ZNF804B: variants seen among roughly 807,000 people sequenced by gnomAD.
The protein encoded by ZNF804B is zinc finger 804B.
Under a neutral mutation model 101.4 loss-of-function variants are expected in ZNF804B, and 80 were observed. The observed-to-expected ratio is 0.79, with a 90% CI of 0.66 to 0.95. The LOEUF (loss-of-function observed/expected upper bound fraction) is 0.95, where lower values mean the gene tolerates loss of function less well. ZNF804B is among the 40% of genes least tolerant of loss of function. The pLI is 0.00. For synonymous variants in ZNF804B, 622 were observed against 558.8 expected (o/e 1.11, Z -1.59); for missense variants, 1,673 against 1,561.9 (o/e 1.07, Z -1.20).
intron 1 of ZNF804B, among the ~76,000 whole-genome samples, chr7:89,151,861 GGAACTAC>G: frequency 6.6e-6 from 1 of 152,100 alleles, no homozygotes; most frequent in Non-Finnish European, 1.5e-5. Flanking sequence ...CTCCTAGGCA[GGAACTAC>G]TGTCTGAGGG....
At chr7:89,210,338 T>A (rs1335385637) in intron 1 of ZNF804B, among the ~76,000 whole-genome samples, 1 of 152,132 alleles carries the variant, frequency 6.6e-6, no homozygotes, top group Non-Finnish European at 1.5e-5. Context: ...GCTAGCTTTA[T>A]TTTTATTTTT....
At chr7:88,887,695 T>G (rs529701341) in intron 1 of ZNF804B, among the ~76,000 whole-genome samples, 31 of 152,222 alleles carry the variant, frequency 2.0e-4, no homozygotes, top group Admixed American at 3.9e-4. Context: ...ATAATTATAT[T>G]ATGCCCAGCT....
intron 2 of ZNF804B, among the ~76,000 whole-genome samples, chr7:89,265,802 CTG>C (rs555143066): frequency 1.3e-5 from 2 of 152,196 alleles, no homozygotes; most frequent in Non-Finnish European, 2.9e-5. Flanking sequence ...CACCCACCAT[CTG>C]TGTGTTTCTT....
intron 1 of ZNF804B, among the ~76,000 whole-genome samples, chr7:88,976,319 G>A (rs1030965097): frequency 6.6e-6 from 1 of 151,480 alleles, no homozygotes. Flanking sequence ...GGATTGAATT[G>A]AATTTGTAGA....
At chr7:88,834,715 T>A (rs917856161) in intron 1 of ZNF804B, among the ~76,000 whole-genome samples, 1 of 151,668 alleles carries the variant, frequency 6.6e-6, no homozygotes, top group South Asian at 2.1e-4. Flanking sequence ...AAACATCACC[T>A]TAAGTTGAAC....
chr7:89,198,229 G>A (rs1788584025), intron 1 of ZNF804B, among the ~76,000 whole-genome samples: 1 of 151,980 alleles, frequency 6.6e-6, no homozygotes. Flanking sequence ...GGAGTCATAT[G>A]TAATTTTTAA....
intron 2 of ZNF804B, among the ~76,000 whole-genome samples, chr7:89,236,311 T>C (rs766959271): frequency 2.6e-5 from 4 of 152,088 alleles, no homozygotes; most frequent in Non-Finnish European, 5.9e-5. Flanking sequence ...TAATGATTCC[T>C]AGAGCGGTGA....
chr7:88,797,543 G>A (rs1356785521), intron 1 of ZNF804B, among the ~76,000 whole-genome samples: 2 of 152,138 alleles, frequency 1.3e-5, no homozygotes, highest in Non-Finnish European at 2.9e-5. Context: ...TTAAACCAGA[G>A]AGAACATGGG....
intron 2 of ZNF804B, among the ~76,000 whole-genome samples, chr7:89,271,411 T>C (rs1012017712): frequency 2.0e-5 from 3 of 152,228 alleles, no homozygotes; most frequent in Non-Finnish European, 4.4e-5. Flanking sequence ...ATCCCAGGGA[T>C]GAAGCCCACT....
intron 1 of ZNF804B, among the ~76,000 whole-genome samples, chr7:89,130,872 A>G (rs1375488000): frequency 6.6e-6 from 1 of 152,036 alleles, no homozygotes; most frequent in Non-Finnish European, 1.5e-5. Flanking sequence ...TTACTAAAGA[A>G]ACAATCATCT....
chr7:88,799,493 TC>T (rs1790545550), intron 1 of ZNF804B, among the ~76,000 whole-genome samples: 1 of 152,060 alleles, frequency 6.6e-6, no homozygotes, highest in African/African-American at 2.4e-5. Flanking sequence ...GTGTCATTCT[TC>T]CCCCTGTCTA....
At chr7:89,277,163 T>A (rs964378917) in intron 2 of ZNF804B, among the ~76,000 whole-genome samples, 1 of 148,926 alleles carries the variant, frequency 6.7e-6, no homozygotes, top group African/African-American at 2.5e-5. Context: ...TATAAAATGT[T>A]ATATATAGAT....
intron 1 of ZNF804B, among the ~76,000 whole-genome samples, chr7:89,217,171 G>A (rs1354932956): frequency 6.6e-6 from 1 of 152,132 alleles, no homozygotes; most frequent in East Asian, 1.9e-4. Context: ...TGACATATCT[G>A]GTAATAGAAT....
chr7:88,914,493 A>T (rs896755572), intron 1 of ZNF804B, among the ~76,000 whole-genome samples: 5 of 152,188 alleles, frequency 3.3e-5, no homozygotes, highest in African/African-American at 9.6e-5. Flanking sequence ...GACCCTAGCC[A>T]GCAGTGCCTG....
At chr7:89,096,193 T>G (rs1789970238) in intron 1 of ZNF804B, among the ~76,000 whole-genome samples, 1 of 149,632 alleles carries the variant, frequency 6.7e-6, no homozygotes, top group African/African-American at 2.5e-5. Context: ...CCTCAGCAGA[T>G]GAGAAATGGA....
intron 2 of ZNF804B, among the ~76,000 whole-genome samples, chr7:89,258,329 T>G (rs1284096811): frequency 6.6e-6 from 1 of 152,078 alleles, no homozygotes; most frequent in African/African-American, 2.4e-5. Flanking sequence ...ACTGTGTATA[T>G]TTTTCACCCC....
chr7:88,962,701 A>C (rs928238674), intron 1 of ZNF804B, among the ~76,000 whole-genome samples: 45 of 118,634 alleles, frequency 3.8e-4, no homozygotes, highest in African/African-American at 1.3e-3. Context: ...AAATGTTGTT[A>C]AACTCACATA....
chr7:88,836,209 C>T (rs544537113), intron 1 of ZNF804B, among the ~76,000 whole-genome samples: 2 of 152,038 alleles, frequency 1.3e-5, no homozygotes, highest in East Asian at 3.9e-4. Flanking sequence ...ATTGTTGGGG[C>T]AGACTTGAAC....
At chr7:89,156,994 C>A (rs924588678) in intron 1 of ZNF804B, among the ~76,000 whole-genome samples, 2 of 152,160 alleles carry the variant, frequency 1.3e-5, no homozygotes, top group Non-Finnish European at 2.9e-5. Context: ...TCTTCCTTTC[C>A]AACACACCTG....
Sources: gnomAD v4.1 joint callset for allele counts (sites outside exome capture counted in the v4.1 genomes callset) on GRCh38, gnomAD v4.1.1 for gene constraint, MANE v1.5 for transcripts, NCBI Gene and HGNC (gene_info 2026-07-23, HGNC 2026-07-21) for gene names.